Variants in PPT2 observed in about 807,000 individuals in gnomAD.
PPT2 encodes the protein lysosomal thioesterase PPT2.
Under a neutral mutation model 37.3 loss-of-function variants are expected in PPT2, and 20 were observed. That is an observed-to-expected ratio of 0.54 (90% CI 0.38 to 0.78). The LOEUF is 0.78. Ranked by LOEUF, PPT2 falls within the 30% of genes least tolerant of loss-of-function variation. PPT2 has a pLI of 0.00. For synonymous variants in PPT2, 135 were observed against 159.1 expected (o/e 0.85, Z 1.14); for missense variants, 270 against 389.8 (o/e 0.69, Z 2.59).
In PPT2 at chr6:32,154,426, G is replaced by C; in HGVS notation, c.-9+22G>C. On this transcript the variant is annotated intron_variant, in intron 1 of 8. Transcript: ENST00000324816. The surrounding 1 kb of genome is among the most constrained non-coding windows in gnomAD (Gnocchi z 7.3). ...GTTGGTGCGTCAACGTGGTGGGGGG[G>C]TGTGTTTGTAGGGAGAGGGCTGGAG... is the stretch of plus-strand genomic sequence containing the variant. The C allele has an allele frequency of 1.4e-6, 2 of 1,463,894 alleles. No individual in the cohort carries two copies. The highest frequency in any genetic ancestry group is 1.8e-6 in the Non-Finnish European group (2 of 1,114,520). 90.7% of individuals were successfully genotyped at this position (1,463,894 alleles called of 1,614,324 possible).
In PPT2 at chr6:32,155,550, C is replaced by T; in HGVS notation, c.338-138C>T. 1.3e-6 allele frequency: 1 copy of T among 772,298 alleles called. No individual in the cohort carries two copies. The allele number at this position is 772,298 out of a possible 1,614,324, so 47.8% of individuals were successfully genotyped here. A position where few individuals can be genotyped will look rare whatever the true frequency, so the allele number is the denominator to read the frequency against. On this transcript the variant is annotated intron_variant, in intron 3 of 8. Transcript: ENST00000324816. The surrounding 1 kb of genome is among the most constrained non-coding windows in gnomAD (Gnocchi z 4.3). ...GTGCCTGCCTTCTGTAAGCCTCAGT[C>T]TCCTTTGTGTACAGTGTGTGTCTGT...
Position 32,162,850 on chromosome 6 carries a change from G to C in PPT2, c.809G>C (p.Arg270Pro), listed in dbSNP as rs767651019. The change falls in exon 9 of 9, where the codon CGG (arginine) becomes CCG (proline). Residue 270 changes from arginine (R) to proline (P), a missense_variant. By Grantham distance (103) the Arg-to-Pro change is moderately radical. Transcript: ENST00000324816. The surrounding 1 kb of genome is among the most constrained non-coding windows in gnomAD (Gnocchi z 5.5). ...DSFGLKTLLA[R>P]GAIVRCPMAG... ...TTTGGGTTGAAGACTCTATTGGCCC[G>C]GGGGGCCATAGTGAGGTGTCCAATG... 2.5e-6 allele frequency: 4 copies of C among 1,613,260 alleles called. No individual in the cohort carries two copies. Among genetic ancestry groups the C allele is most frequent in the South Asian group, 1.1e-5 (1 of 91,050 alleles).
In PPT2 at chr6:32,155,833, A is replaced by G; in HGVS notation, c.434-38A>G. 6.2e-7 allele frequency: 1 copy of G among 1,611,010 alleles called. No individual in the cohort carries two copies. Among genetic ancestry groups the G allele is most frequent in the Non-Finnish European group, 8.5e-7 (1 of 1,177,284 alleles). ...AATGCCCTGAGTTTTGGGGGAACAG[A>G]GGTTTATGGTCACTTAGCATTGCCA... On this transcript the variant is annotated intron_variant, in intron 4 of 8. Transcript: ENST00000324816. The surrounding 1 kb of genome is among the most constrained non-coding windows in gnomAD (Gnocchi z 4.3).
upstream of PPT2, chr6:32,153,743 C>A: frequency 7.2e-7 from 1 of 1,391,438 alleles, no homozygotes; most frequent in Non-Finnish European, 9.8e-7. This position sits in a 1 kb window ranked among gnomAD's most constrained non-coding sequence, Gnocchi z 4.4. Flanking sequence ...TCACCCAGCA[C>A]ACGGCAAAAT....
intron 7 of PPT2, among the ~76,000 whole-genome samples, chr6:32,161,866 G>A (rs1582626867): frequency 6.6e-6 from 1 of 151,538 alleles, no homozygotes; most frequent in African/African-American, 2.4e-5. Context: ...TTACAGGCTT[G>A]AGCCACCACG....
chr6:32,161,090 T>G (rs564892246), intron 7 of PPT2, among the ~76,000 whole-genome samples: 1 of 152,226 alleles, frequency 6.6e-6, no homozygotes, highest in East Asian at 1.9e-4. Context: ...CATTAATATC[T>G]TTTTTCTCTA....
chr6:32,153,618 C>A (rs1467930363), upstream of PPT2: 1 of 1,444,996 alleles, frequency 6.9e-7, no homozygotes. This position sits in a 1 kb window ranked among gnomAD's most constrained non-coding sequence, Gnocchi z 4.4. Flanking sequence ...GCACTACACG[C>A]ACTTCAGAAT....
chr6:32,157,973 C>T (rs1361281855), intron 7 of PPT2, 49 bp downstream of exon 7: 23 of 1,491,098 alleles, frequency 1.5e-5, no homozygotes, highest in African/African-American at 2.8e-5. Flanking sequence ...CATCCCCCAA[C>T]CCCAGTTGGT....
In PPT2 at chr6:32,162,847, C is replaced by T. The variant is rs752752708; in HGVS notation, c.806C>T (p.Ala269Val). 31 of 1,614,032 alleles carry T rather than the reference C, an allele frequency of 1.9e-5. No homozygotes were observed. The highest frequency in any genetic ancestry group is 2.6e-5 in the Non-Finnish European group (31 of 1,179,900). ...RDSFGLKTLL[A>V]RGAIVRCPMA... ...TCTTTTGGGTTGAAGACTCTATTGG[C>T]CCGGGGGGCCATAGTGAGGTGTCCA... Residue 269 changes from alanine (A) to valine (V), a missense_variant, in exon 9 of 9, where the codon GCC becomes GTC. Coordinates refer to ENST00000324816, the MANE Select transcript of PPT2 (RefSeq NM_005155.7). The surrounding 1 kb of genome is among the most constrained non-coding windows in gnomAD (Gnocchi z 5.5).
chr6:32,157,719 A>G lies in PPT2; in HGVS notation c.624A>G (p.Thr208=). The G allele has an allele frequency of 6.3e-7, 1 of 1,588,860 alleles. No homozygotes were observed. The highest frequency in any genetic ancestry group is 8.6e-7 in the Non-Finnish European group (1 of 1,157,882). ...GGGAAAGAGACCATCCCAATGCCAC[A>G]GGTGAGAATTCAGGCTCCTACCTGT... The part of the protein sequence containing the change: ...INGERDHPNA[T]VWRKNFLRVG... The change falls in exon 6 of 9, where the codon ACA becomes ACG. Residue 208 remains threonine (T), a splice_region_variant and synonymous_variant. Transcript: ENST00000324816.
chr6:32,155,788 G>A lies in PPT2; in HGVS notation c.433+5G>A. 6.2e-7 allele frequency: 1 copy of A among 1,612,974 alleles called. No homozygotes were observed. The highest frequency in any genetic ancestry group is 1.3e-5 in the African/African-American group (1 of 75,002). ...CACAGATGGGACAGTATGGAGGTGA[G>A]TGGGCACTAGACTCCATAGAATGCC... On this transcript the variant is annotated splice_donor_5th_base_variant and intron_variant, in intron 4 of 8. Coordinates refer to ENST00000324816, the MANE Select transcript of PPT2 (RefSeq NM_005155.7). The surrounding 1 kb of genome is among the most constrained non-coding windows in gnomAD (Gnocchi z 4.3).
At chr6:32,161,365 C>T (rs1784143619) in intron 7 of PPT2, among the ~76,000 whole-genome samples, 1 of 151,734 alleles carries the variant, frequency 6.6e-6, no homozygotes, top group South Asian at 2.1e-4. Flanking sequence ...TCTCGGCCCA[C>T]TGCAACCTCC....
intron 6 of PPT2, 39 bp from the exon 7 acceptor site, chr6:32,157,801 C>T (rs370946472): frequency 2.3e-5 from 36 of 1,592,540 alleles, no homozygotes; most frequent in Admixed American, 3.3e-5. Flanking sequence ...TGGCCTGACC[C>T]CTGTGGCTGA....
intron 7 of PPT2, among the ~76,000 whole-genome samples, chr6:32,160,241 T>G (rs549969676): frequency 6.6e-6 from 1 of 150,516 alleles, no homozygotes; most frequent in African/African-American, 2.4e-5. Context: ...GAGACGGGGT[T>G]TCACTGTGTT....
rs1783805116 is a variant in PPT2 at position 32,156,293 on chromosome 6, A to G, written c.541+315A>G. On this transcript the variant is annotated intron_variant, in intron 5 of 8. Transcript: ENST00000324816. The surrounding 1 kb of genome is among the most constrained non-coding windows in gnomAD (Gnocchi z 4.9). ...GCTAAGTTTTGTATTTTAAGTAGAGATGGAGTTTCGCCATGTTGGCCAGGC... is the reference window on the plus strand; with the variant it reads ...GCTAAGTTTTGTATTTTAAGTAGAGGTGGAGTTTCGCCATGTTGGCCAGGC... 6.6e-6 allele frequency among the ~76,000 whole-genome samples: 1 copy of G among 151,974 alleles called. No homozygotes were observed. The highest frequency in any genetic ancestry group is 2.4e-5 in the African/African-American group (1 of 41,350).
intron 7 of PPT2, among the ~76,000 whole-genome samples, chr6:32,161,588 C>CTTTTT (rs35832910): frequency 1.6e-5 from 2 of 128,018 alleles, no homozygotes; most frequent in African/African-American, 3.0e-5. Context: ...CACACCTGGC[C>CTTTTT]TCTTTTTTTT....
chr6:32,154,269 G>A lies in PPT2; in HGVS notation c.-144G>A. 2.4e-5 allele frequency: 31 copies of A among 1,289,132 alleles called. No homozygotes were observed. The highest frequency in any genetic ancestry group is 3.0e-5 in the Non-Finnish European group (31 of 1,018,700). The allele number at this position is 1,289,132 out of a possible 1,614,324, so 79.9% of individuals were successfully genotyped here. Reference sequence around the variant, plus strand: ...CAGGTGGGAGTCTGCACTCTTCAAGGGGCCTGGGCTGCTGCTCACGGGTAT... The same window carrying A: ...CAGGTGGGAGTCTGCACTCTTCAAGAGGCCTGGGCTGCTGCTCACGGGTAT... On this transcript the variant is annotated 5_prime_UTR_variant, in exon 1 of 9. Coordinates refer to ENST00000324816, the MANE Select transcript of PPT2 (RefSeq NM_005155.7). This position sits in a 1 kb window ranked among gnomAD's most constrained non-coding sequence, Gnocchi z 7.3.
Position 32,163,018 on chromosome 6 carries a change from GTC to G in PPT2, c.*69_*70del, listed in dbSNP as rs1784268316. ...CAAGTGGTGGCCTTGGAAAGCAGAT[GTC>G]AGGCTTTGGTGTGCCTGTGACCACC... On this transcript the variant is annotated 3_prime_UTR_variant, in exon 9 of 9. Coordinates refer to ENST00000324816, the MANE Select transcript of PPT2 (RefSeq NM_005155.7). 1.6e-5 allele frequency: 24 copies of G among 1,503,062 alleles called. No homozygotes were observed. The highest frequency in any genetic ancestry group is 2.4e-4 in the Middle Eastern group (1 of 4,224). 93.1% of individuals were successfully genotyped at this position (1,503,062 alleles called of 1,614,324 possible).
intron 7 of PPT2, among the ~76,000 whole-genome samples, chr6:32,159,472 A>ATATATATATC (rs1465188963): frequency 0.018 from 2,229 of 126,602 alleles, 52 homozygotes; most frequent in African/African-American, 0.036. Flanking sequence ...ATATATATAT[A>ATATATATATC]TCCTCATCCC....
Sources: gnomAD v4.1 joint callset for allele counts (sites outside exome capture counted in the v4.1 genomes callset) on GRCh38, gnomAD v4.1.1 for gene constraint, Gnocchi (gnomAD v3.1) non-coding constraint, MANE v1.5 for transcripts, NCBI Gene and HGNC (gene_info 2026-07-23, HGNC 2026-07-21) for gene names.